NAV1: variants seen among roughly 807,000 people sequenced by gnomAD.
NAV1 encodes the protein neuron navigator 1.
NAV1 carries 18 observed loss-of-function variants against 175.2 expected under a neutral mutation model. That is an observed-to-expected ratio of 0.10 (90% CI 0.07 to 0.15). The LOEUF is 0.15. NAV1 is among the 10% of genes least tolerant of loss of function. NAV1 has a pLI of 1.00. For missense variants in NAV1, 1,731 were observed against 2,436.6 expected (o/e 0.71, Z 6.10); for synonymous variants, 897 against 978.7 (o/e 0.92, Z 1.56).
intron 1 of NAV1, 116 bp from the exon 4 acceptor site, chr1:201,629,288 C>A: frequency 1.7e-6 from 1 of 603,582 alleles, no homozygotes; most frequent in Non-Finnish European, 2.5e-6. Flanking sequence ...CTGAGTGGTG[C>A]AGGGCACTAT....
At chr1:201,559,000 A>G (rs1467769311) in intron 1 of NAV1, among the ~76,000 whole-genome samples, 4 of 152,116 alleles carry the variant, frequency 2.6e-5, no homozygotes, top group African/African-American at 9.7e-5. Context: ...CAGCATGTCA[A>G]AAGGCCATAT....
At chr1:201,725,133 C>T (rs1251938629) in intron 3 of NAV1, among the ~76,000 whole-genome samples, 4 of 152,164 alleles carry the variant, frequency 2.6e-5, no homozygotes, top group Non-Finnish European at 4.4e-5. Flanking sequence ...GATACCCAAC[C>T]CAGCCACCCT....
chr1:201,610,267 C>T (rs1667807135), intron 2 of NAV1, among the ~76,000 whole-genome samples: 1 of 152,222 alleles, frequency 6.6e-6, no homozygotes, highest in Non-Finnish European at 1.5e-5. Flanking sequence ...ACTGGGGATA[C>T]TGAAAGTGGA....
At chr1:201,749,080 G>A (rs1453577767) in intron 3 of NAV1, among the ~76,000 whole-genome samples, 5 of 152,220 alleles carry the variant, frequency 3.3e-5, no homozygotes, top group Admixed American at 6.5e-5. Context: ...ACCGGGAGGC[G>A]GAGGTTGCAG....
At chr1:201,574,885 T>A (rs1296477222) in intron 1 of NAV1, among the ~76,000 whole-genome samples, 1 of 152,208 alleles carries the variant, frequency 6.6e-6, no homozygotes, top group Non-Finnish European at 1.5e-5. Flanking sequence ...GCTCGGCCTC[T>A]GCTCAGACTG....
At chr1:201,581,080 A>T (rs1279312076) in intron 1 of NAV1, among the ~76,000 whole-genome samples, 1 of 152,136 alleles carries the variant, frequency 6.6e-6, no homozygotes, top group Non-Finnish European at 1.5e-5. Context: ...AAGTTAGCAG[A>T]GGTAGGGAAT....
intron 1 of NAV1, among the ~76,000 whole-genome samples, chr1:201,567,057 AC>A (rs1402021230): frequency 4.1e-5 from 5 of 121,946 alleles, no homozygotes; most frequent in Non-Finnish European, 6.9e-5. Context: ...GTCCCCTCCC[AC>A]CCCCCATCCC....
At chr1:201,576,584 AT>A (rs1666697552) in intron 1 of NAV1, among the ~76,000 whole-genome samples, 2 of 151,796 alleles carry the variant, frequency 1.3e-5, no homozygotes, top group Admixed American at 1.3e-4. Context: ...AAAAAAAAAA[AT>A]AATAAAGCTA....
rs548298672 is a variant in NAV1, at chr1:201,709,747, C to T, written c.758-3070C>T. Among the ~76,000 whole-genome samples the T allele has an allele frequency of 3.8e-4, 58 of 152,292 alleles. No homozygotes were observed. In the South Asian group the frequency reaches 7.7e-3, roughly 20 times the overall value. Reference sequence around the variant, plus strand: ...GGTAGCAGAGACCAGATCCTGGTCACCCCCAAGGAAACCAAACCCTGCCCT... The same window carrying T: ...GGTAGCAGAGACCAGATCCTGGTCATCCCCAAGGAAACCAAACCCTGCCCT... On this transcript the variant is annotated intron_variant, in intron 1 of 29. Transcript: ENST00000367296.
chr1:201,807,919 TA>T lies in NAV1; in HGVS notation c.3649-32del. 1.9e-6 allele frequency: 3 copies of T among 1,610,878 alleles called. No homozygotes were observed. The highest frequency in any genetic ancestry group is 2.5e-6 in the Non-Finnish European group (3 of 1,177,310). On this transcript the variant is annotated intron_variant, in intron 17 of 29. Transcript: ENST00000367296. This position sits in a 1 kb window ranked among gnomAD's most constrained non-coding sequence, Gnocchi z 5.4. ...CTCCCCCATCCCAGTAGTGGAGTCC[TA>T]ATGTCCCTCTACCTGGATCTGCTTT...
chr1:201,770,644 G>A (rs1486447805), intron 3 of NAV1, among the ~76,000 whole-genome samples: 2 of 152,174 alleles, frequency 1.3e-5, no homozygotes, highest in African/African-American at 4.8e-5. Flanking sequence ...TTTCCTCCTA[G>A]GGTATGGCTA....
chr1:201,664,345 CAA>C (rs1246946292), intron 1 of NAV1, among the ~76,000 whole-genome samples: 1 of 152,134 alleles, frequency 6.6e-6, no homozygotes, highest in Non-Finnish European at 1.5e-5. Context: ...TGTCTCAAAA[CAA>C]ATAAACAAAC....
intron 28 of NAV1, chr1:201,816,876 G>T: frequency 1.9e-6 from 1 of 538,998 alleles, no homozygotes; most frequent in Non-Finnish European, 3.3e-6. Flanking sequence ...GTTTCACCAC[G>T]TTGGCCAGGC....
chr1:201,817,323 T>C, intron 29 of NAV1, 38 bp downstream of exon 33: 1 of 1,588,206 alleles, frequency 6.3e-7, no homozygotes, highest in Non-Finnish European at 8.6e-7. Flanking sequence ...ATAAGACTAT[T>C]ATAGAACTGA....
chr1:201,663,218 A>G (rs1669682707), intron 1 of NAV1, among the ~76,000 whole-genome samples: 1 of 152,258 alleles, frequency 6.6e-6, no homozygotes. Flanking sequence ...GCCTTTGGCA[A>G]AGGTTTTAAG....
chr1:201,612,825 G>A (rs1278176995), intron 2 of NAV1, among the ~76,000 whole-genome samples: 1 of 152,082 alleles, frequency 6.6e-6, no homozygotes, highest in Non-Finnish European at 1.5e-5. Flanking sequence ...TTGTGTGGGA[G>A]GGTGTGAGTG....
chr1:201,750,573 A>G lies in NAV1; in HGVS notation c.1227-29848A>G, dbSNP rs1463390770. ...TCCATGTCTTTCTTTCTCCAAATCT[A>G]TATGAGATCTAAATAAGCTCTCCCC... On this transcript the variant is annotated intron_variant, in intron 3 of 29. Transcript: ENST00000367296. This position sits in a 1 kb window ranked among gnomAD's most constrained non-coding sequence, Gnocchi z 4.1. Among the ~76,000 whole-genome samples, 1 of 152,186 alleles carries G rather than the reference A, an allele frequency of 6.6e-6. No homozygotes were observed. The highest frequency in any genetic ancestry group is 2.1e-4 in the South Asian group (1 of 4,828).
intron 2 of NAV1, among the ~76,000 whole-genome samples, chr1:201,614,871 G>A (rs1667957825): frequency 6.6e-6 from 1 of 152,194 alleles, no homozygotes; most frequent in African/African-American, 2.4e-5. Context: ...TCTGAAGTGG[G>A]AATGATAATA....
chr1:201,637,207 TAAG>T (rs1668637760), intron 2 of NAV1, among the ~76,000 whole-genome samples: 2 of 152,242 alleles, frequency 1.3e-5, no homozygotes, highest in Admixed American at 6.5e-5. Context: ...TCTAGGGTAG[TAAG>T]AAGGCCAGGT....
Sources: allele counts gnomAD v4.1 joint callset (sites outside exome capture counted in the v4.1 genomes callset), GRCh38; gene constraint gnomAD v4.1.1; non-coding constraint Gnocchi (gnomAD v3.1); transcripts MANE v1.5; gene names NCBI Gene and HGNC (gene_info 2026-07-23, HGNC 2026-07-21).